Variants in PTPRS observed in about 807,000 individuals in gnomAD.
PTPRS encodes the protein receptor-type tyrosine-protein phosphatase S.
In PTPRS, 63 loss-of-function variants were observed where a neutral mutation model predicts 215.3. The observed-to-expected ratio is 0.29, with a 90% CI of 0.24 to 0.36. The LOEUF is 0.36. Among genes scored for constraint, PTPRS ranks in the 10% least tolerant of loss-of-function variants. The pLI, the probability that PTPRS is intolerant of heterozygous loss-of-function variation, is 1.00. For synonymous variants in PTPRS, 1,404 were observed against 1,191.4 expected (o/e 1.18, Z -3.68); for missense variants, 2,258 against 2,825.8 (o/e 0.80, Z 4.56).
At position 5,258,013 on chromosome 19, in the gene PTPRS, C is replaced by G; in HGVS notation, c.706+4G>C. 4 of 1,612,788 alleles carry G rather than the reference C, an allele frequency of 2.5e-6. No homozygotes were observed. The highest frequency in any genetic ancestry group is 3.4e-6 in the Non-Finnish European group (4 of 1,179,130). ...GCCTTTGACCTGGACGCGGCGTTCC[C>G]TACCTCGCACGTAGAGGTTGGCAGG... is the stretch of plus-strand genomic sequence containing the variant. On this transcript the variant is annotated splice_donor_region_variant and intron_variant, in intron 8 of 37. Transcript: ENST00000262963.
chr19:5,309,998 C>A (rs1030655846), intron 1 of PTPRS, among the ~76,000 whole-genome samples: 1 of 152,206 alleles, frequency 6.6e-6, no homozygotes, highest in African/African-American at 2.4e-5. Context: ...CCCAAGTCCT[C>A]CTGGTGCCCC....
At chr19:5,263,423 T>C (rs2046164673) in intron 5 of PTPRS, among the ~76,000 whole-genome samples, 1 of 151,888 alleles carries the variant, frequency 6.6e-6, no homozygotes, top group African/African-American at 2.4e-5. Context: ...GTAGGTAGGC[T>C]CTTTGGTGGG....
chr19:5,220,047 C>A lies in PTPRS; in HGVS notation c.3657G>T (p.Thr1219=). 2 of 1,614,050 alleles carry A rather than the reference C, an allele frequency of 1.2e-6. No individual in the cohort carries two copies. ...IAARFSVLPP[T]FHPGDQKQYG... is the part of the protein sequence containing the mutation. Reference sequence around the variant, plus strand: ...ACTGCTTCTGGTCGCCGGGATGGAACGTGGGTGGCAGCACAGAGAAGCGAG... The same window carrying A: ...ACTGCTTCTGGTCGCCGGGATGGAAAGTGGGTGGCAGCACAGAGAAGCGAG... Residue 1219 remains threonine, a synonymous_variant, in exon 22 of 38, where the codon ACG becomes ACT. Transcript: ENST00000262963.
chr19:5,291,909 TC>T (rs951839754), intron 1 of PTPRS, among the ~76,000 whole-genome samples: 3 of 150,744 alleles, frequency 2.0e-5, no homozygotes, highest in Admixed American at 6.6e-5. Context: ...GACACCTTGA[TC>T]CCCCCCACTT....
chr19:5,226,559 C>T lies in PTPRS; in HGVS notation c.2377-715G>A, dbSNP rs193234537. Among the ~76,000 whole-genome samples the T allele has an allele frequency of 4.1e-5, 6 of 147,972 alleles. No homozygotes were observed. The East Asian group carries it at 5.9e-4, about 15-fold the overall frequency. ...CAGCCTGGCCAACATGGTGAAACTT[C>T]GTCTCTACTAAAAATACCAAAAAAA... On this transcript the variant is annotated intron_variant, in intron 16 of 37. Coordinates refer to ENST00000262963, the MANE Select transcript of PTPRS (RefSeq NM_002850.4).
intron 8 of PTPRS, among the ~76,000 whole-genome samples, chr19:5,256,943 G>T (rs920825839): frequency 6.6e-6 from 1 of 151,880 alleles, no homozygotes; most frequent in Non-Finnish European, 1.5e-5. Context: ...TTCGCATGGG[G>T]GAAACTGAGG....
chr19:5,290,915 G>T (rs1468471240), intron 1 of PTPRS, among the ~76,000 whole-genome samples: 1 of 151,886 alleles, frequency 6.6e-6, no homozygotes, highest in African/African-American at 2.4e-5. Context: ...ATCCACTCAA[G>T]CAGGGACAGG....
chr19:5,333,259 C>T (rs1484182128), intron 1 of PTPRS, among the ~76,000 whole-genome samples: 3 of 150,912 alleles, frequency 2.0e-5, no homozygotes, highest in African/African-American at 7.3e-5. Context: ...TAGCTTGAAC[C>T]CAGGAGTTTG....
At chr19:5,311,138 G>A (rs1357461702) in intron 1 of PTPRS, among the ~76,000 whole-genome samples, 3 of 151,892 alleles carry the variant, frequency 2.0e-5, no homozygotes, top group African/African-American at 7.3e-5. Flanking sequence ...TCGGCCTCCC[G>A]AAGTGCTGGG....
chr19:5,332,686 A>AGCAG (rs1797518242), intron 1 of PTPRS, among the ~76,000 whole-genome samples: 1 of 152,198 alleles, frequency 6.6e-6, no homozygotes, highest in Non-Finnish European at 1.5e-5. Context: ...AAGGCCCAGC[A>AGCAG]GCAGGCAGGC....
At chr19:5,229,266 GCC>G in intron 16 of PTPRS, 48 bp downstream of exon 16, 1 of 1,362,936 alleles carries the variant, frequency 7.3e-7, no homozygotes, top group Non-Finnish European at 9.5e-7. Flanking sequence ...GCACAGCACG[GCC>G]CGCGGGAAGC....
Position 5,295,279 on chromosome 19 carries a change from C to T in PTPRS, c.-94-9045G>A, listed in dbSNP as rs189490482. Among the ~76,000 whole-genome samples, 153 of 152,358 alleles carry T rather than the reference C, an allele frequency of 1.0e-3. 1 individual carries two copies. Among genetic ancestry groups the T allele is most frequent in the African/African-American group, 2.9e-3 (120 of 41,588 alleles). The stretch of plus-strand genomic sequence containing the variant: ...CATGACCTGCAGCATACAGGCCTGG[C>T]TCTGGGCTGCCCAGGACTCGGGACG... On this transcript the variant is annotated intron_variant, in intron 1 of 37. Coordinates refer to ENST00000262963, the MANE Select transcript of PTPRS (RefSeq NM_002850.4). This position sits in a 1 kb window ranked among gnomAD's most constrained non-coding sequence, Gnocchi z 4.6.
At chr19:5,284,136 G>C (rs929649555) in intron 2 of PTPRS, among the ~76,000 whole-genome samples, 5 of 146,596 alleles carry the variant, frequency 3.4e-5, no homozygotes, top group Non-Finnish European at 7.5e-5. Flanking sequence ...CGAGGCAGGA[G>C]GATCATGAGG....
chr19:5,212,118 C>A lies in PTPRS; in HGVS notation c.4902G>T (p.Thr1634=). The A allele has an allele frequency of 6.2e-7, 1 of 1,614,108 alleles. No homozygotes were observed. Among genetic ancestry groups the A allele is most frequent in the Non-Finnish European group, 8.5e-7 (1 of 1,180,052 alleles). Residue 1634 remains threonine (T), a synonymous_variant, in exon 32 of 38, where the codon ACG becomes ACT. Coordinates refer to ENST00000262963, the MANE Select transcript of PTPRS (RefSeq NM_002850.4). ...MRSQRNYMVQ[T]EDQYSFIHEA... is the part of the protein sequence containing the mutation. ...CGTGGATGAAGCTGTACTGGTCCTC[C>A]GTCTGCACCATGTAGTTGCGCTGGG... is the stretch of plus-strand genomic sequence containing the variant.
At chr19:5,330,654 C>T (rs2050294053) in intron 1 of PTPRS, among the ~76,000 whole-genome samples, 2 of 152,216 alleles carry the variant, frequency 1.3e-5, no homozygotes, top group African/African-American at 2.4e-5. Context: ...GTCCCCATTT[C>T]ACAGATGAGA....
chr19:5,327,323 C>T (rs2050196508), intron 1 of PTPRS, among the ~76,000 whole-genome samples: 1 of 152,184 alleles, frequency 6.6e-6, no homozygotes. Context: ...GGGCTTACTC[C>T]AAGCGTGTTT....
At chr19:5,319,123 A>G (rs950721193) in intron 1 of PTPRS, among the ~76,000 whole-genome samples, 2 of 152,194 alleles carry the variant, frequency 1.3e-5, no homozygotes, top group African/African-American at 2.4e-5. Context: ...TTCAAAAGCC[A>G]TCCCAAGGCC....
At position 5,229,597 on chromosome 19, in the gene PTPRS, C is replaced by A. The variant is rs1237963337; in HGVS notation, c.2243G>T (p.Arg748Leu). ...GTAGCCGCGGATCTGGCCGTGCTGC[C>A]GGCCGGGCGCGGGCGAGCGCCACAG... ...RVLWRSPAPG[R>L]QHGQIRGYQV... The change falls in exon 15 of 38, where the codon CGG becomes CTG. Residue 748 changes from arginine (R) to leucine (L), a missense_variant. By Grantham distance (102) the Arg-to-Leu change is moderately radical. Transcript: ENST00000262963. 5.6e-6 allele frequency: 8 copies of A among 1,428,152 alleles called. No individual in the cohort carries two copies. Among genetic ancestry groups the A allele is most frequent in the Non-Finnish European group, 7.3e-6 (8 of 1,091,420 alleles). 88.5% of individuals were successfully genotyped at this position (1,428,152 alleles called of 1,614,324 possible).
At chr19:5,207,530 T>C (rs1189246570) in intron 37 of PTPRS, among the ~76,000 whole-genome samples, 1 of 152,188 alleles carries the variant, frequency 6.6e-6, no homozygotes, top group Non-Finnish European at 1.5e-5. Flanking sequence ...TTTTAAGACA[T>C]GGCTGCTGTT....
Sources: gnomAD v4.1 joint callset for allele counts (sites outside exome capture counted in the v4.1 genomes callset) on GRCh38, gnomAD v4.1.1 for gene constraint, Gnocchi (gnomAD v3.1) non-coding constraint, MANE v1.5 for transcripts, NCBI Gene and HGNC (gene_info 2026-07-23, HGNC 2026-07-21) for gene names.